Variants in L3MBTL1 observed in about 807,000 individuals in gnomAD.
L3MBTL1 encodes lethal(3)malignant brain tumor-like protein 1.
In L3MBTL1, 75 loss-of-function variants were observed where a neutral mutation model predicts 105.3. The ratio of observed to expected loss-of-function variants is 0.71; its 90% CI spans 0.59 to 0.86. The LOEUF (loss-of-function observed/expected upper bound fraction) is 0.86, where lower values mean the gene tolerates loss of function less well. L3MBTL1 is among the 40% of genes least tolerant of loss of function. The probability of loss-of-function intolerance (pLI) is 0.00; values close to 1 mark genes in which losing one functional copy is unlikely to be tolerated. For synonymous variants in L3MBTL1, 452 were observed against 436.2 expected, an observed-to-expected ratio of 1.04 and a Z score of -0.45; for missense variants, 1,069 against 1,126.4, an observed-to-expected ratio of 0.95 and a Z score of 0.73.
intron 18 of L3MBTL1, among the ~76,000 whole-genome samples, chr20:43,547,230 G>A (rs909747539): frequency 1.3e-5 from 2 of 150,666 alleles, no homozygotes; most frequent in South Asian, 2.1e-4. Context: ...TCAGCCTCCC[G>A]AGTAGCTGGG....
chr20:43,530,737 G>A (rs576912078), intron 10 of L3MBTL1, 61 bp from the exon 11 acceptor site: 61 of 1,466,460 alleles, frequency 4.2e-5, no homozygotes, highest in Non-Finnish European at 5.6e-5. Flanking sequence ...TCACTGTGGG[G>A]TGCCCTTGCT....
intron 19 of L3MBTL1, among the ~76,000 whole-genome samples, chr20:43,538,400 A>G (rs538659369): frequency 4.9e-4 from 75 of 152,332 alleles, no homozygotes; most frequent in African/African-American, 1.8e-3. Context: ...GAGGCACTTC[A>G]AGGATAGAGC....
chr20:43,512,222 G>C lies in L3MBTL1; in HGVS notation c.-28-1254G>C, dbSNP rs75718583. On this transcript the variant is annotated intron_variant, in intron 1 of 21. Transcript: ENST00000418998. Reference sequence around the variant, plus strand: ...GAAGGCAATTTCAGAAGTCCAAAGAGAGCTGATGTTGGCTGGGACTAGCAT... The same window carrying C: ...GAAGGCAATTTCAGAAGTCCAAAGACAGCTGATGTTGGCTGGGACTAGCAT... Among the ~76,000 whole-genome samples, 310 of 152,330 alleles carry C rather than the reference G, an allele frequency of 2.0e-3. 4 individuals are homozygous for C. The highest frequency in any genetic ancestry group is 0.01 in the East Asian group (53 of 5,192).
chr20:43,528,766 G>A lies in L3MBTL1; in HGVS notation c.951+21G>A, dbSNP rs187006744. 1.6e-3 allele frequency: 2,534 copies of A among 1,584,170 alleles called. 20 individuals carry two copies. Among genetic ancestry groups the A allele is most frequent in the Non-Finnish European group, 1.2e-3 (1,334 of 1,152,694 alleles). On this transcript the variant is annotated intron_variant, in intron 8 of 21. Coordinates refer to ENST00000418998, the MANE Select transcript of L3MBTL1 (RefSeq NM_001377303.1). ...AGGACGTGAGTTGGACAATTTCCCC[G>A]TAGGAACAGCTTGTCTTCCTAGCCT...
intron 7 of L3MBTL1, among the ~76,000 whole-genome samples, chr20:43,527,676 T>C (rs189469114): frequency 6.7e-6 from 1 of 148,412 alleles, no homozygotes; most frequent in East Asian, 1.9e-4. Flanking sequence ...CACATTTGTG[T>C]AAGTCTCTGT....
chr20:43,515,258 G>T (rs1197332040), intron 5 of L3MBTL1, 34 bp from the exon 6 acceptor site: 1 of 1,611,898 alleles, frequency 6.2e-7, no homozygotes, highest in Non-Finnish European at 8.5e-7. Context: ...GTGCAGGGCG[G>T]GTGGTTCTTT....
chr20:43,543,582 C>A (rs1978367425), downstream of L3MBTL1, among the ~76,000 whole-genome samples: 1 of 152,174 alleles, frequency 6.6e-6, no homozygotes, highest in Non-Finnish European at 1.5e-5. Context: ...GGAGCAGGAC[C>A]TTTATGGGGT....
At position 43,514,011 on chromosome 20, in the gene L3MBTL1, C is replaced by T. The variant is rs979412275; in HGVS notation, c.310C>T (p.Leu104Phe). 5 of 1,541,290 alleles carry T rather than the reference C, an allele frequency of 3.2e-6. No homozygotes were observed. The highest frequency in any genetic ancestry group is 4.9e-5 in the East Asian group (2 of 40,914). Residue 104 changes from leucine (L) to phenylalanine (F), a missense_variant, in exon 3 of 22, where the codon CTT becomes TTT. Leu to Phe is a conservative substitution (Grantham distance 22, BLOSUM62 0). Coordinates refer to ENST00000418998, the MANE Select transcript of L3MBTL1 (RefSeq NM_001377303.1). ...CAGCTCCAGCACCAGCACAGTGCGG[C>T]TTCTGGAATGGACAGAGGCCGCGGC... Reference protein sequence around the residue: ...PASSSTSTVRLLEWTEAAAPP... With the variant: ...PASSSTSTVRFLEWTEAAAPP...
chr20:43,539,748 G>GTGT, intron 19 of L3MBTL1: 1 of 296,326 alleles, frequency 3.4e-6, no homozygotes, highest in African/African-American at 2.2e-5. Flanking sequence ...GAGAAGAAGA[G>GTGT]TAAACAGAGT....
intron 11 of L3MBTL1, chr20:43,531,292 C>T (rs2019323249): frequency 5.9e-6 from 1 of 170,368 alleles, no homozygotes; most frequent in Non-Finnish European, 1.3e-5. Flanking sequence ...TGAGACTCTT[C>T]CATTTATTTC....
At chr20:43,535,204 G>A (rs1444699102) in intron 16 of L3MBTL1, among the ~76,000 whole-genome samples, 1 of 152,152 alleles carries the variant, frequency 6.6e-6, no homozygotes, top group African/African-American at 2.4e-5. Flanking sequence ...GTGCTTCAGA[G>A]GTGGTCAGGC....
At chr20:43,510,578 T>A (rs2018108123) in intron 1 of L3MBTL1, among the ~76,000 whole-genome samples, 1 of 151,378 alleles carries the variant, frequency 6.6e-6, no homozygotes, top group South Asian at 2.1e-4. Flanking sequence ...CTATTTTTTT[T>A]TTATTTTTTT....
intron 3 of L3MBTL1, chr20:43,514,404 G>C: frequency 6.9e-7 from 1 of 1,440,942 alleles, no homozygotes; most frequent in South Asian, 1.5e-5. Context: ...GAGCCTGGGG[G>C]CGTGGCTTAG....
intron 15 of L3MBTL1, 80 bp from the exon 16 acceptor site, chr20:43,534,748 C>A: frequency 1.0e-6 from 1 of 980,716 alleles, no homozygotes; most frequent in South Asian, 1.4e-5. Flanking sequence ...TCTGACAGGT[C>A]CCAGGGATGG....
intron 1 of L3MBTL1, among the ~76,000 whole-genome samples, chr20:43,512,896 C>A (rs567690187): frequency 2.6e-5 from 4 of 152,342 alleles, no homozygotes; most frequent in East Asian, 1.9e-4. Context: ...CAGATGCATA[C>A]ATTTGTTCAG....
At position 43,514,044 on chromosome 20, in the gene L3MBTL1, C is replaced by T. The variant is rs576903477; in HGVS notation, c.343C>T (p.Pro115Ser). 7.8e-5 allele frequency: 120 copies of T among 1,534,746 alleles called. No individual in the cohort carries two copies. The East Asian group carries it at 2.7e-3, about 34-fold the overall frequency. ...ATGGACAGAGGCCGCGGCCCCGCCC[C>T]CAGGGGGCGGCCTGCGGGTCAGTGT... ...LEWTEAAAPP[P>S]GGGLRFRISE... Residue 115 changes from proline to serine, a missense_variant, in exon 3 of 22, where the codon CCA becomes TCA. By Grantham distance (74) the Pro-to-Ser change is moderately conservative (BLOSUM62 -1). Transcript: ENST00000418998.
intron 7 of L3MBTL1, among the ~76,000 whole-genome samples, chr20:43,519,336 CAA>C (rs35982746): frequency 1.9e-3 from 172 of 89,980 alleles, no homozygotes; most frequent in African/African-American, 4.2e-3. Flanking sequence ...AACCCTGACT[CAA>C]AAAAAAAAAA....
In L3MBTL1 at chr20:43,534,827, G is replaced by C; in HGVS notation, c.1711-1G>C. 6.2e-7 allele frequency: 1 copy of C among 1,607,752 alleles called. No individual in the cohort carries two copies. The highest frequency in any genetic ancestry group is 1.1e-5 in the South Asian group (1 of 90,890). On this transcript the variant is annotated splice_acceptor_variant, in intron 15 of 21. Coordinates refer to ENST00000418998, the MANE Select transcript of L3MBTL1 (RefSeq NM_001377303.1). LOFTEE classifies it high-confidence loss of function. ...GACTTCCAAGAGCCTTTCCTCCCCA[G>C]ATCCACTTTGATGGCTGGAGTCATG...
At chr20:43,530,217 A>T (rs2019255922) in intron 9 of L3MBTL1, 67 bp from the exon 10 acceptor site, 1 of 1,601,070 alleles carries the variant, frequency 6.2e-7, no homozygotes, top group Non-Finnish European at 8.5e-7. Flanking sequence ...GGGCCAGGAG[A>T]GGTGAGGCAG....
Sources: gnomAD v4.1 joint callset for allele counts (sites outside exome capture counted in the v4.1 genomes callset) on GRCh38, gnomAD v4.1.1 for gene constraint, MANE v1.5 for transcripts, NCBI Gene and HGNC (gene_info 2026-07-23, HGNC 2026-07-21) for gene names.